Variants in SCMH1 observed in about 807,000 individuals in gnomAD.
The protein encoded by SCMH1 is Scm polycomb group protein homolog 1.
A neutral mutation model predicts 70.8 loss-of-function variants in SCMH1; 37 were observed. The ratio of observed to expected loss-of-function variants is 0.52; its 90% confidence interval spans 0.40 to 0.69. The LOEUF (loss-of-function observed/expected upper bound fraction) is 0.69, where lower values mean the gene tolerates loss of function less well. SCMH1 is among the 30% of genes least tolerant of loss of function. SCMH1 has a pLI of 0.00. For missense variants in SCMH1, 607 were observed against 827.3 expected, an observed-to-expected ratio of 0.73 and a Z score of 3.27; for synonymous variants, 292 against 307.4, an observed-to-expected ratio of 0.95 and a Z score of 0.52.
At chr1:41,072,127 A>G (rs919693554) in intron 9 of SCMH1, among the ~76,000 whole-genome samples, 26 of 152,348 alleles carry the variant, frequency 1.7e-4, no homozygotes, top group African/African-American at 6.3e-4. Context: ...GCAGGCATAT[A>G]TAAGATGGCT....
At chr1:41,152,629 G>C (rs1645167748) in intron 4 of SCMH1, 2 of 1,614,188 alleles carry the variant, frequency 1.2e-6, no homozygotes, top group Non-Finnish European at 1.7e-6. Flanking sequence ...GAGCAGGGAA[G>C]GTCCCAGAGA....
At chr1:41,215,386 T>C (rs1287806844) in intron 1 of SCMH1, among the ~76,000 whole-genome samples, 3 of 152,214 alleles carry the variant, frequency 2.0e-5, no homozygotes, top group Admixed American at 6.5e-5. Flanking sequence ...TGGCACAGTA[T>C]ACATAACACT....
intron 6 of SCMH1, among the ~76,000 whole-genome samples, chr1:41,121,586 C>T (rs921182183): frequency 2.0e-5 from 3 of 152,158 alleles, no homozygotes; most frequent in Non-Finnish European, 4.4e-5. Flanking sequence ...CACCTCAGTG[C>T]TCAGTCATTG....
intron 10 of SCMH1, among the ~76,000 whole-genome samples, chr1:41,058,378 G>GTTTTT (rs548733204): frequency 0.032 from 2,589 of 81,540 alleles, 756 homozygotes; most frequent in African/African-American, 0.11. Flanking sequence ...TTTCTTTCTT[G>GTTTTT]TTTTTTTTTT....
intron 8 of SCMH1, among the ~76,000 whole-genome samples, chr1:41,088,251 T>C (rs149028527): frequency 3.3e-5 from 5 of 151,870 alleles, no homozygotes; most frequent in Non-Finnish European, 5.9e-5. Context: ...AACCAGAAAA[T>C]AGTGAAAGTG....
At chr1:41,054,066 G>A (rs1177506677) in intron 10 of SCMH1, among the ~76,000 whole-genome samples, 1 of 151,992 alleles carries the variant, frequency 6.6e-6, no homozygotes, top group Non-Finnish European at 1.5e-5. Context: ...GGATGGTCTC[G>A]ATCTCCTGAC....
At chr1:41,150,777 A>T (rs1029777430) in intron 5 of SCMH1, among the ~76,000 whole-genome samples, 1 of 151,452 alleles carries the variant, frequency 6.6e-6, no homozygotes, top group African/African-American at 2.4e-5. Context: ...TCTATTAAAA[A>T]TACAAAAAAA....
chr1:41,151,525 C>T (rs1258441953), intron 5 of SCMH1, 89 bp downstream of exon 5: 1 of 1,003,390 alleles, frequency 1.0e-6, no homozygotes, highest in Non-Finnish European at 1.5e-6. Flanking sequence ...GTAAGAAGCC[C>T]AAGGGCTTCC....
chr1:41,172,167 A>G (rs1460957574), intron 2 of SCMH1, among the ~76,000 whole-genome samples: 2 of 148,442 alleles, frequency 1.3e-5, no homozygotes, highest in Non-Finnish European at 3.0e-5. Context: ...CCTGGGCGAC[A>G]GAGCGAGACT....
intron 1 of SCMH1, among the ~76,000 whole-genome samples, chr1:41,241,757 C>T (rs1663609667): frequency 6.6e-6 from 1 of 151,880 alleles, no homozygotes; most frequent in Non-Finnish European, 1.5e-5. Flanking sequence ...TTGGGTTTCC[C>T]GTGCCGGGGC....
chr1:41,214,838 G>GA lies in SCMH1; in HGVS notation c.-118+27220dup, dbSNP rs145610670. Among the ~76,000 whole-genome samples, 141 of 152,270 alleles carry GA rather than the reference G, an allele frequency of 9.3e-4. 2 individuals are homozygous for GA. The East Asian group carries it at 0.017, about 18-fold the overall frequency. ...ATTTTTTGAGTGTTTGGGAAATCCT[G>GA]AAATATGGATCTTAATGTAAATATA... On this transcript the variant is annotated intron_variant, in intron 1 of 14. Transcript: ENST00000337495.
intron 13 of SCMH1, among the ~76,000 whole-genome samples, chr1:41,032,241 T>C (rs1276922845): frequency 6.6e-6 from 1 of 152,226 alleles, no homozygotes; most frequent in Non-Finnish European, 1.5e-5. Context: ...TTAATACTAC[T>C]ATATATTTAT....
intron 13 of SCMH1, among the ~76,000 whole-genome samples, chr1:41,032,684 A>G (rs1644701249): frequency 6.6e-6 from 1 of 152,174 alleles, no homozygotes; most frequent in Admixed American, 6.5e-5. Context: ...AGGCCAGTTA[A>G]GAAGGAGGCT....
chr1:41,070,494 G>A (rs1656098875), intron 10 of SCMH1, 101 bp downstream of exon 10: 1 of 1,412,636 alleles, frequency 7.1e-7, no homozygotes, highest in Non-Finnish European at 9.5e-7. Flanking sequence ...TTTTACCTAG[G>A]TTTACAAGTG....
intron 4 of SCMH1, among the ~76,000 whole-genome samples, chr1:41,154,336 T>C (rs1645327788): frequency 6.6e-6 from 1 of 152,216 alleles, no homozygotes; most frequent in Non-Finnish European, 1.5e-5. Context: ...AATAATGTAA[T>C]ATTGGGAGTC....
chr1:41,198,894 C>A (rs1653656150), intron 1 of SCMH1, among the ~76,000 whole-genome samples: 2 of 152,128 alleles, frequency 1.3e-5, no homozygotes, highest in African/African-American at 2.4e-5. Context: ...TCCTAGATGA[C>A]AGTGACATTC....
At chr1:41,115,640 A>G (rs213767) in intron 7 of SCMH1, among the ~76,000 whole-genome samples, 129,170 of 152,114 alleles carry the variant, frequency 0.85, 55,334 homozygotes, top group East Asian at 0.96. Context: ...GTCTTGCTAC[A>G]GGTGGCCCAG....
At chr1:41,087,937 G>GGTTGTGTGTGTGTGTGT (rs1662206130) in intron 8 of SCMH1, among the ~76,000 whole-genome samples, 3 of 139,844 alleles carry the variant, frequency 2.1e-5, no homozygotes, top group Admixed American at 7.3e-5. Context: ...TATAGTTTCT[G>GGTTGTGTGTGTGTGTGT]GTGTGTGTGT....
intron 1 of SCMH1, among the ~76,000 whole-genome samples, chr1:41,187,669 A>T (rs1041375680): frequency 6.6e-6 from 1 of 151,594 alleles, no homozygotes; most frequent in Non-Finnish European, 1.5e-5. Flanking sequence ...AGGCAGGAGG[A>T]CCACCTGTAA....
Sources: gnomAD v4.1 joint callset for allele counts (sites outside exome capture counted in the v4.1 genomes callset) on GRCh38, gnomAD v4.1.1 for gene constraint, MANE v1.5 for transcripts, NCBI Gene and HGNC (gene_info 2026-07-23, HGNC 2026-07-21) for gene names.